Variants in GABRA6 observed in about 807,000 individuals in gnomAD.
GABRA6 encodes gamma-aminobutyric acid type A receptor subunit alpha6.
Under a neutral mutation model 47.3 loss-of-function variants are expected in GABRA6, and 45 were observed. The ratio of observed to expected loss-of-function variants is 0.95; its 90% CI spans 0.75 to 1.22. GABRA6 has a LOEUF of 1.22. Ranked by LOEUF, GABRA6 falls within the 50% of genes most tolerant of loss-of-function variation. GABRA6 has a pLI of 0.00. For synonymous variants in GABRA6, 219 were observed against 194.7 expected, an observed-to-expected ratio of 1.12 and a Z score of -1.04; for missense variants, 583 against 549.3, an observed-to-expected ratio of 1.06 and a Z score of -0.61.
chr5:161,689,689 T>C lies in GABRA6; in HGVS notation c.583T>C (p.Ser195Pro). 1 of 1,610,696 alleles carries C rather than the reference T, an allele frequency of 6.2e-7. No homozygotes were observed. Among genetic ancestry groups the C allele is most frequent in the Non-Finnish European group, 8.5e-7 (1 of 1,176,932 alleles). The change falls in exon 6 of 9, where the codon TCA (serine) becomes CCA (proline). Residue 195 changes from serine (S) to proline (P), a missense_variant. Physicochemically the swap from Ser to Pro is moderately conservative, Grantham distance 74. Transcript: ENST00000274545. ...TACGTGGAAAAAAGGACCACTTTAC[T>C]CAGTAGAAGTCCCAGAAGAATCTTC... ...IYTWKKGPLYSVEVPEESSSL... is the reference protein window; with the variant it reads ...IYTWKKGPLYPVEVPEESSSL...
intron 8 of GABRA6, among the ~76,000 whole-genome samples, chr5:161,701,255 T>G (rs1282919864): frequency 6.6e-6 from 1 of 152,182 alleles, no homozygotes; most frequent in African/African-American, 2.4e-5. Flanking sequence ...TGCTTTGTGT[T>G]GTTTGCTGAT....
intron 8 of GABRA6, among the ~76,000 whole-genome samples, chr5:161,694,974 T>C (rs965154360): frequency 1.3e-5 from 2 of 152,152 alleles, no homozygotes; most frequent in African/African-American, 4.8e-5. Context: ...TGCAAGACAT[T>C]TTCTCCCAAA....
rs144097008 is a variant in GABRA6 at position 161,697,859 on chromosome 5, C to T, written c.1087-3639C>T. Among the ~76,000 whole-genome samples the T allele has an allele frequency of 5.5e-4, 83 of 152,238 alleles. 1 individual carries two copies. In the East Asian group the frequency reaches 0.013, roughly 23 times the overall value. On this transcript the variant is annotated intron_variant, in intron 8 of 8. Transcript: ENST00000274545. ...TGCCACTCATTATCTTTGTGAGCTT[C>T]CTGCTTAAGCCTACGTTTGCTCATC...
rs187270374 is a variant in GABRA6 at position 161,692,598 on chromosome 5, G to A, written c.1086+398G>A. On this transcript the variant is annotated intron_variant, in intron 8 of 8. Transcript: ENST00000274545. ...AAAGACACAAGGACTTCTATGGAAT[G>A]GACAATTTTTGTTATAAATCTGCTT... 3.9e-3 allele frequency among the ~76,000 whole-genome samples: 591 copies of A among 152,298 alleles called. 6 individuals are homozygous for A. Among genetic ancestry groups the A allele is most frequent in the African/African-American group, 0.014 (567 of 41,560 alleles).
intron 5 of GABRA6, 142 bp downstream of exon 5, chr5:161,689,478 T>C: frequency 9.9e-7 from 1 of 1,008,628 alleles, no homozygotes; most frequent in South Asian, 1.4e-5. Context: ...AATCATTCTG[T>C]CAATCTCATA....
chr5:161,686,669 A>T (rs527782325), intron 2 of GABRA6, among the ~76,000 whole-genome samples: 1 of 152,308 alleles, frequency 6.6e-6, no homozygotes, highest in African/African-American at 2.4e-5. Flanking sequence ...AGCCATCAAT[A>T]TACATTAGTT....
intron 8 of GABRA6, among the ~76,000 whole-genome samples, chr5:161,694,622 G>A (rs183905879): frequency 1.8e-4 from 28 of 152,138 alleles, no homozygotes; most frequent in South Asian, 1.0e-3. Flanking sequence ...TTAAAAAATG[G>A]TATGTAAATT....
At chr5:161,690,973 A>T (rs973784915) in intron 7 of GABRA6, among the ~76,000 whole-genome samples, 1 of 152,128 alleles carries the variant, frequency 6.6e-6, no homozygotes, top group Non-Finnish European at 1.5e-5. Context: ...TTGATTTTTT[A>T]AATTTACTAA....
rs1254875871 is a variant in GABRA6 at position 161,690,191 on chromosome 5, C to G, written c.674-10C>G. 2 of 1,612,852 alleles carry G rather than the reference C, an allele frequency of 1.2e-6. No homozygotes were observed. The highest frequency in any genetic ancestry group is 3.3e-5 in the Admixed American group (2 of 60,018). On this transcript the variant is annotated splice_polypyrimidine_tract_variant and intron_variant, in intron 6 of 8. Coordinates refer to ENST00000274545, the MANE Select transcript of GABRA6 (RefSeq NM_000811.3). The stretch of plus-strand genomic sequence containing the variant: ...GCAGTAATAATACTGATGTATGTGT[C>G]TTCCAACAGGTGAATACGTTATAAT...
At chr5:161,697,568 T>C (rs1754905670) in intron 8 of GABRA6, among the ~76,000 whole-genome samples, 1 of 152,088 alleles carries the variant, frequency 6.6e-6, no homozygotes, top group African/African-American at 2.4e-5. Context: ...GGGAGCTATT[T>C]CCCCCAAGAG....
At chr5:161,692,834 G>A (rs562878232) in intron 8 of GABRA6, among the ~76,000 whole-genome samples, 1 of 152,156 alleles carries the variant, frequency 6.6e-6, no homozygotes, top group Admixed American at 6.5e-5. Flanking sequence ...CTGTGGCTAA[G>A]TTCTGGTCCC....
At chr5:161,698,725 C>T (rs1346660587) in intron 8 of GABRA6, among the ~76,000 whole-genome samples, 4 of 152,012 alleles carry the variant, frequency 2.6e-5, no homozygotes, top group South Asian at 2.1e-4. Context: ...TTATATTGCA[C>T]GCAATTAGTA....
chr5:161,688,986 C>T lies in GABRA6; in HGVS notation c.263C>T (p.Thr88Ile). 2 of 1,613,928 alleles carry T rather than the reference C, an allele frequency of 1.2e-6. No homozygotes were observed. Among genetic ancestry groups the T allele is most frequent in the Non-Finnish European group, 8.5e-7 (1 of 1,179,924 alleles). Reference sequence around the variant, plus strand: ...GATGTTTTTTTCCGCCAGACCTGGACTGATGAGAGGTTGAAGTTTGGGGGG... The same window carrying T: ...GATGTTTTTTTCCGCCAGACCTGGATTGATGAGAGGTTGAAGTTTGGGGGG... ...TMDVFFRQTW[T>I]DERLKFGGPT... Residue 88 changes from threonine (T) to isoleucine (I), a missense_variant, in exon 4 of 9, where the codon ACT becomes ATT. By Grantham distance (89) the Thr-to-Ile change is moderately conservative. Coordinates refer to ENST00000274545, the MANE Select transcript of GABRA6 (RefSeq NM_000811.3).
chr5:161,689,393 T>C, intron 5 of GABRA6, 57 bp downstream of exon 5: 1 of 1,409,638 alleles, frequency 7.1e-7, no homozygotes, highest in Non-Finnish European at 1.0e-6. Context: ...TATAATTACT[T>C]GGTTTTAGTT....
chr5:161,691,386 C>T (rs1754788103), intron 7 of GABRA6, among the ~76,000 whole-genome samples: 1 of 147,716 alleles, frequency 6.8e-6, no homozygotes, highest in Non-Finnish European at 1.5e-5. Flanking sequence ...GGCTCCGCCT[C>T]CCAGGTTCAC....
intron 3 of GABRA6, among the ~76,000 whole-genome samples, chr5:161,688,369 G>A (rs1007608940): frequency 5.3e-5 from 8 of 152,024 alleles, no homozygotes; most frequent in Non-Finnish European, 8.8e-5. Flanking sequence ...TCATAATTTT[G>A]ATGATACATA....
At chr5:161,700,269 G>A (rs1754958438) in intron 8 of GABRA6, among the ~76,000 whole-genome samples, 1 of 152,176 alleles carries the variant, frequency 6.6e-6, no homozygotes, top group South Asian at 2.1e-4. Flanking sequence ...GCCCACGTGG[G>A]TCACATACCC....
intron 8 of GABRA6, 85 bp downstream of exon 8, chr5:161,692,285 T>C: frequency 6.6e-7 from 1 of 1,515,930 alleles, no homozygotes; most frequent in East Asian, 2.3e-5. Context: ...TGTCCAAAAG[T>C]AATGTGAGTT....
At chr5:161,691,288 C>CTTTTTTTTTTTTTTTT (rs1160422481) in intron 7 of GABRA6, among the ~76,000 whole-genome samples, 3 of 84,710 alleles carry the variant, frequency 3.5e-5, no homozygotes, top group Non-Finnish European at 6.4e-5. Flanking sequence ...TTTTTCTTTC[C>CTTTTTTTTTTTTTTTT]TTTTTTTTTT....
Sources: gnomAD v4.1 joint callset for allele counts (sites outside exome capture counted in the v4.1 genomes callset) on GRCh38, gnomAD v4.1.1 for gene constraint, MANE v1.5 for transcripts, NCBI Gene and HGNC (gene_info 2026-07-23, HGNC 2026-07-21) for gene names.